The following CDH23 variants were observed in gnomAD, a reference collection of about 807,000 sequenced individuals.
CDH23 encodes cadherin-23.
In CDH23, 189 loss-of-function variants were observed where a neutral mutation model predicts 317.1. The ratio of observed to expected loss-of-function variants is 0.60; its 90% CI spans 0.53 to 0.67. CDH23 has a LOEUF of 0.67. CDH23 is among the 30% of genes least tolerant of loss of function. CDH23 has a pLI of 0.00. For synonymous variants in CDH23, 1,839 were observed against 1,876.8 expected, an observed-to-expected ratio of 0.98 and a Z score of 0.52; for missense variants, 4,401 against 4,592.4, an observed-to-expected ratio of 0.96 and a Z score of 1.20.
At chr10:71,735,298 A>G (rs1839527766) in intron 34 of CDH23, among the ~76,000 whole-genome samples, 1 of 152,134 alleles carries the variant, frequency 6.6e-6, no homozygotes, top group African/African-American at 2.4e-5. Flanking sequence ...GACAGCCTCT[A>G]AGTAAAGGCA....
intron 9 of CDH23, among the ~76,000 whole-genome samples, chr10:71,613,937 G>A (rs1295995583): frequency 1.3e-5 from 2 of 152,156 alleles, no homozygotes; most frequent in African/African-American, 4.8e-5. Context: ...TTTGTGCCGG[G>A]GATGGTCCCA....
intron 9 of CDH23, among the ~76,000 whole-genome samples, chr10:71,593,734 T>C (rs1458903342): frequency 6.6e-6 from 1 of 152,214 alleles, no homozygotes; most frequent in South Asian, 2.1e-4. Context: ...AAATGGTAAC[T>C]GCAGTGACTA....
At chr10:71,460,556 A>G (rs1253748521) in intron 3 of CDH23, among the ~76,000 whole-genome samples, 1 of 152,214 alleles carries the variant, frequency 6.6e-6, no homozygotes, top group African/African-American at 2.4e-5. Flanking sequence ...CGGCTGCTTT[A>G]TGAGCTCTCT....
rs116422657 is a variant in CDH23 at position 71,610,591 on chromosome 10, G to A, written c.833-4913G>A. 9.1e-3 allele frequency among the ~76,000 whole-genome samples: 1,393 copies of A among 152,320 alleles called. 25 individuals carry two copies. The highest frequency in any genetic ancestry group is 0.032 in the African/African-American group (1,327 of 41,574). On this transcript the variant is annotated intron_variant, in intron 9 of 69. Transcript: ENST00000224721. ...TATCTTCTTATAAGGTGGTTGCAAC[G>A]AATAGGTGATGTGATTGTGCAAACA...
intron 11 of CDH23, among the ~76,000 whole-genome samples, chr10:71,627,188 G>A (rs534688356): frequency 1.4e-4 from 21 of 152,226 alleles, no homozygotes; most frequent in African/African-American, 4.3e-4. Flanking sequence ...GCAAGGCCTC[G>A]GTTGTCTCAC....
At chr10:71,773,546 G>T in intron 38 of CDH23, 1 of 1,125,618 alleles carries the variant, frequency 8.9e-7, no homozygotes, top group Non-Finnish European at 1.2e-6. Context: ...AGCGCTGCGG[G>T]CGGCCCCAGC....
intron 22 of CDH23, among the ~76,000 whole-genome samples, chr10:71,699,460 A>G (rs1163181656): frequency 1.3e-5 from 2 of 152,166 alleles, no homozygotes; most frequent in Non-Finnish European, 2.9e-5. Flanking sequence ...GTGCATTTGG[A>G]ATTGGTGCAG....
chr10:71,781,157 A>G (rs1410810153), intron 41 of CDH23, among the ~76,000 whole-genome samples: 1 of 152,202 alleles, frequency 6.6e-6, no homozygotes, highest in East Asian at 1.9e-4. Context: ...TCCAGGAAAC[A>G]AAGAGCGGTG....
chr10:71,481,080 G>A (rs1430769490), intron 3 of CDH23, among the ~76,000 whole-genome samples: 1 of 152,148 alleles, frequency 6.6e-6, no homozygotes, highest in Non-Finnish European at 1.5e-5. Flanking sequence ...TTGGGAAAGG[G>A]GACTTTGAGA....
intron 14 of CDH23, among the ~76,000 whole-genome samples, chr10:71,670,691 G>A (rs1438448286): frequency 2.0e-5 from 3 of 152,176 alleles, no homozygotes; most frequent in Non-Finnish European, 2.9e-5. Context: ...GGACACTAGG[G>A]TATGGATCTG....
At chr10:71,433,905 C>T (rs889189237) in intron 1 of CDH23, among the ~76,000 whole-genome samples, 7 of 151,382 alleles carry the variant, frequency 4.6e-5, no homozygotes, top group African/African-American at 1.7e-4. Context: ...ACCCATGCCC[C>T]CTACAGTGTG....
At chr10:71,772,316 G>A (rs551593490) in intron 38 of CDH23, among the ~76,000 whole-genome samples, 2 of 152,214 alleles carry the variant, frequency 1.3e-5, no homozygotes, top group African/African-American at 2.4e-5. Context: ...ATTCCATCCT[G>A]CCCACTGGGT....
intron 27 of CDH23, among the ~76,000 whole-genome samples, chr10:71,709,668 T>G (rs981144883): frequency 2.0e-5 from 3 of 152,184 alleles, no homozygotes; most frequent in African/African-American, 7.2e-5. Flanking sequence ...ACCAGTCCAC[T>G]GGGAGATGTA....
At chr10:71,531,992 C>T (rs1327459780) in intron 6 of CDH23, among the ~76,000 whole-genome samples, 2 of 152,146 alleles carry the variant, frequency 1.3e-5, no homozygotes, top group African/African-American at 4.8e-5. Context: ...GACCCTTAGT[C>T]CCCAGGGAAA....
intron 38 of CDH23, chr10:71,755,345 G>A: frequency 6.2e-7 from 1 of 1,606,016 alleles, no homozygotes; most frequent in Non-Finnish European, 8.5e-7. Context: ...CCCCAGGCAG[G>A]GAGGAATACT....
chr10:71,812,138 G>A (rs1194064362), intron 66 of CDH23, 123 bp downstream of exon 66: 21 of 1,594,824 alleles, frequency 1.3e-5, no homozygotes, highest in Non-Finnish European at 2.6e-6. Context: ...CCCCCTGGTG[G>A]GCGGGCCACC....
intron 3 of CDH23, among the ~76,000 whole-genome samples, chr10:71,462,384 G>A (rs1851041315): frequency 6.6e-6 from 1 of 152,258 alleles, no homozygotes; most frequent in African/African-American, 2.4e-5. Context: ...TTTAGAGGGA[G>A]CCCTGCTGGA....
Position 71,690,538 on chromosome 10 carries a change from C to CAAG in CDH23, c.2130_2131insAAG (p.Ile710_Tyr711insLys). ...GGGAGTACGGCCAGGAGTCCATCAT[C>CAAG]TACTCCTTGGAAGGCTCCACCCAGT... On this transcript the variant is annotated inframe_insertion, in exon 20 of 70. Transcript: ENST00000224721. 6 of 1,610,860 alleles carry CAAG rather than the reference C, an allele frequency of 3.7e-6. No individual in the cohort carries two copies. The highest frequency in any genetic ancestry group is 5.1e-6 in the Non-Finnish European group (6 of 1,178,676).
intron 3 of CDH23, among the ~76,000 whole-genome samples, chr10:71,463,250 A>G (rs538348894): frequency 7.2e-5 from 11 of 152,218 alleles, no homozygotes; most frequent in Non-Finnish European, 1.6e-4. Flanking sequence ...CGGGAGCCCA[A>G]GGGTGCCTGT....
Sources: gnomAD v4.1 joint callset for allele counts (sites outside exome capture counted in the v4.1 genomes callset) on GRCh38, gnomAD v4.1.1 for gene constraint, MANE v1.5 for transcripts, NCBI Gene and HGNC (gene_info 2026-07-23, HGNC 2026-07-21) for gene names.